The following CNN1 variants were observed in gnomAD, a reference collection of about 807,000 sequenced individuals.
CNN1 encodes the protein calponin-1.
In CNN1, 21 loss-of-function variants were observed where a neutral mutation model predicts 35.3. That is an observed-to-expected ratio of 0.60 (90% CI 0.42 to 0.86). The LOEUF (loss-of-function observed/expected upper bound fraction) is 0.86, where lower values mean the gene tolerates loss of function less well. Among genes scored for constraint, CNN1 ranks in the 40% least tolerant of loss-of-function variants. The probability of loss-of-function intolerance (pLI) is 0.00; values close to 1 mark genes in which losing one functional copy is unlikely to be tolerated. For synonymous variants in CNN1, 164 were observed against 161.8 expected (o/e 1.01, Z -0.10); for missense variants, 314 against 400.8 (o/e 0.78, Z 1.85).
intron 4 of CNN1, among the ~76,000 whole-genome samples, chr19:11,547,477 G>A (rs532961451): frequency 1.3e-5 from 2 of 152,232 alleles, no homozygotes; most frequent in East Asian, 1.9e-4. Flanking sequence ...TTGGGAGGCC[G>A]AGACAGGTGG....
At chr19:11,539,599 C>G in intron 1 of CNN1, 1 of 836,422 alleles carries the variant, frequency 1.2e-6, no homozygotes. Flanking sequence ...GACTCACCCC[C>G]CATACACCAG....
rs373013523 is a variant in CNN1, at chr19:11,538,885, G to A, written c.-43G>A. 8.8e-6 allele frequency: 13 copies of A among 1,478,786 alleles called. No homozygotes were observed. The African/African-American group carries it at 1.6e-4, about 18-fold the overall frequency. 91.6% of individuals were successfully genotyped at this position (1,478,786 alleles called of 1,614,324 possible). A position where few individuals can be genotyped will look rare whatever the true frequency, so the allele number is the denominator to read the frequency against. On this transcript the variant is annotated 5_prime_UTR_variant, in exon 1 of 7. Transcript: ENST00000252456. ...ACTTCAGCCGCTGCCTCTGTTCTCAGCGTCAGTGCCGCCACTGCCCCCGCC... is the reference window on the plus strand; with the variant it reads ...ACTTCAGCCGCTGCCTCTGTTCTCAACGTCAGTGCCGCCACTGCCCCCGCC...
chr19:11,549,389 G>C lies in CNN1; in HGVS notation c.568G>C (p.Asp190His). 6.2e-7 allele frequency: 1 copy of C among 1,613,800 alleles called. No individual in the cohort carries two copies. Among genetic ancestry groups the C allele is most frequent in the Non-Finnish European group, 8.5e-7 (1 of 1,179,930 alleles). ...CTATGGCACCCGGCGCCACCTCTACGACCCCAAGCTGGGCACAGACCAGCC... is the reference window on the plus strand; with the variant it reads ...CTATGGCACCCGGCGCCACCTCTACCACCCCAAGCTGGGCACAGACCAGCC... Reference protein sequence around the residue: ...TAYGTRRHLYDPKLGTDQPLD... With the variant: ...TAYGTRRHLYHPKLGTDQPLD... Residue 190 changes from aspartate (D) to histidine (H), a missense_variant, in exon 6 of 7, where the codon GAC (aspartate) becomes CAC (histidine). By Grantham distance (81) the Asp-to-His change is moderately conservative. Coordinates refer to ENST00000252456, the MANE Select transcript of CNN1 (RefSeq NM_001299.6). This position sits in a 1 kb window ranked among gnomAD's most constrained non-coding sequence, Gnocchi z 5.2.
chr19:11,547,089 C>G, intron 4 of CNN1, 120 bp downstream of exon 4: 2 of 1,449,578 alleles, frequency 1.4e-6, no homozygotes, highest in African/African-American at 1.4e-5. Flanking sequence ...GATCGGGGAG[C>G]AGGTGCTGTC....
At chr19:11,539,905 C>T in intron 1 of CNN1, 2 of 1,130,452 alleles carry the variant, frequency 1.8e-6, no homozygotes, top group South Asian at 1.7e-5. Flanking sequence ...CGCAGAGCCG[C>T]GCAGAGACGC....
rs1457826707 is a variant in CNN1, at chr19:11,549,876, C to T, written c.*81C>T. On this transcript the variant is annotated 3_prime_UTR_variant, in exon 7 of 7. Coordinates refer to ENST00000252456, the MANE Select transcript of CNN1 (RefSeq NM_001299.6). This position sits in a 1 kb window ranked among gnomAD's most constrained non-coding sequence, Gnocchi z 5.2. ...GGACCCAGCCAGGCCCAGCCGACCC[C>T]CTCTCCCTGCATGGCATCCTCCAGC... 66 of 1,524,820 alleles carry T rather than the reference C, an allele frequency of 4.3e-5. No individual in the cohort carries two copies. Among genetic ancestry groups the T allele is most frequent in the Non-Finnish European group, 5.8e-5 (66 of 1,129,366 alleles). The allele number at this position is 1,524,820 out of a possible 1,614,324, so 94.5% of individuals were successfully genotyped here.
chr19:11,541,052 C>A, intron 1 of CNN1, 24 bp from the exon 2 acceptor site: 1 of 1,582,212 alleles, frequency 6.3e-7, no homozygotes. Flanking sequence ...TTTCTCTGTG[C>A]CCCCTGCCCT....
chr19:11,544,071 A>G (rs1972526687), intron 2 of CNN1, among the ~76,000 whole-genome samples: 1 of 152,076 alleles, frequency 6.6e-6, no homozygotes, highest in Non-Finnish European at 1.5e-5. Flanking sequence ...CTCGACTCAG[A>G]GCTCAAGGAC....
rs1289858017 is a variant in CNN1, at chr19:11,549,202, A to T, written c.502-121A>T. ...GACTCCGTCTCAAAAAAAAATAAATAAAATAAAATAAAAATTGAAAAAAAT... is the reference window on the plus strand; with the variant it reads ...GACTCCGTCTCAAAAAAAAATAAATTAAATAAAATAAAAATTGAAAAAAAT... On this transcript the variant is annotated intron_variant, in intron 5 of 6. Coordinates refer to ENST00000252456, the MANE Select transcript of CNN1 (RefSeq NM_001299.6). The surrounding 1 kb of genome is among the most constrained non-coding windows in gnomAD (Gnocchi z 5.2). 58 of 1,120,084 alleles carry T rather than the reference A, an allele frequency of 5.2e-5. No homozygotes were observed. The highest frequency in any genetic ancestry group is 6.4e-5 in the Non-Finnish European group (53 of 821,758). 69.4% of individuals were successfully genotyped at this position (1,120,084 alleles called of 1,614,324 possible). A position where few individuals can be genotyped will look rare whatever the true frequency, so the allele number is the denominator to read the frequency against.
Position 11,545,945 on chromosome 19 carries a change from G to A in CNN1, c.186-730G>A, listed in dbSNP as rs552457155. On this transcript the variant is annotated intron_variant, in intron 2 of 6. Transcript: ENST00000252456. ...TGCACCACTGCTCTCCAGCCTGGGC[G>A]ACAAAGCCACACCCTGCATCAAAAA... Among the ~76,000 whole-genome samples, 21 of 151,152 alleles carry A rather than the reference G, an allele frequency of 1.4e-4. No homozygotes were observed. In the East Asian group the frequency reaches 2.3e-3, roughly 17 times the overall value.
In CNN1 at chr19:11,539,350, C is replaced by T. The variant is rs576607891; in HGVS notation, c.63+360C>T. Reference sequence around the variant, plus strand: ...CCGGCCTGACAAAGAAATTGGGGAGCGCTTGAGTGCTGGGGTACCTGGGAA... The same window carrying T: ...CCGGCCTGACAAAGAAATTGGGGAGTGCTTGAGTGCTGGGGTACCTGGGAA... On this transcript the variant is annotated intron_variant, in intron 1 of 6. Transcript: ENST00000252456. 6.0e-4 allele frequency: 643 copies of T among 1,080,364 alleles called. 1 individual carries two copies. Among genetic ancestry groups the T allele is most frequent in the Middle Eastern group, 2.6e-3 (6 of 2,278 alleles). 66.9% of individuals were successfully genotyped at this position (1,080,364 alleles called of 1,614,324 possible). A position where few individuals can be genotyped will look rare whatever the true frequency, so the allele number is the denominator to read the frequency against.
intron 1 of CNN1, among the ~76,000 whole-genome samples, 170 bp from the exon 2 acceptor site, chr19:11,540,906 C>G (rs1972446772): frequency 6.6e-6 from 1 of 152,178 alleles, no homozygotes; most frequent in African/African-American, 2.4e-5. Context: ...TGGCTCTCAG[C>G]CCGCCCCAGC....
In CNN1 at chr19:11,549,239, G is replaced by A. The variant is rs369720575; in HGVS notation, c.502-84G>A. Reference sequence around the variant, plus strand: ...AAATTGAAAAAAATGATAAAGCGGCGCCTCATCCTCTCCCATCAGCTATGC... The same window carrying A: ...AAATTGAAAAAAATGATAAAGCGGCACCTCATCCTCTCCCATCAGCTATGC... On this transcript the variant is annotated intron_variant, in intron 5 of 6. Coordinates refer to ENST00000252456, the MANE Select transcript of CNN1 (RefSeq NM_001299.6). This position sits in a 1 kb window ranked among gnomAD's most constrained non-coding sequence, Gnocchi z 5.2. 5.8e-5 allele frequency: 81 copies of A among 1,391,482 alleles called. No homozygotes were observed. The Middle Eastern group carries it at 7.5e-4, about 13-fold the overall frequency. The allele number at this position is 1,391,482 out of a possible 1,614,324, so 86.2% of individuals were successfully genotyped here.
At position 11,549,294 on chromosome 19, in the gene CNN1, T is replaced by C. The variant is rs1568417659; in HGVS notation, c.502-29T>C. ...TGGCCCATGATGAGGTCTGTAATTA[T>C]TGGTGTGATTCTCCTTCTGGCTTCC... On this transcript the variant is annotated intron_variant, in intron 5 of 6. Transcript: ENST00000252456. The surrounding 1 kb of genome is among the most constrained non-coding windows in gnomAD (Gnocchi z 5.2). 1 of 1,613,070 alleles carries C rather than the reference T, an allele frequency of 6.2e-7. No homozygotes were observed.
intron 1 of CNN1, chr19:11,539,893 C>G: frequency 1.1e-5 from 13 of 1,138,420 alleles, no homozygotes; most frequent in Non-Finnish European, 1.4e-5. Flanking sequence ...GCCCCAGAGC[C>G]GCGCAGAGCC....
chr19:11,540,231 TAGG>T (rs1972430278), intron 1 of CNN1: 1 of 227,464 alleles, frequency 4.4e-6, no homozygotes, highest in Non-Finnish European at 7.3e-6. Flanking sequence ...TGAGACACCC[TAGG>T]GACAGACGGG....
At chr19:11,544,014 G>A (rs1373841632) in intron 2 of CNN1, among the ~76,000 whole-genome samples, 1 of 151,986 alleles carries the variant, frequency 6.6e-6, no homozygotes, top group African/African-American at 2.4e-5. Flanking sequence ...AGTTCCTGCT[G>A]TGTGCCAGGC....
rs909420752 is a variant in CNN1 at position 11,549,564 on chromosome 19, G to C, written c.663G>C (p.Ala221=). 1 of 1,599,122 alleles carries C rather than the reference G, an allele frequency of 6.3e-7. No individual in the cohort carries two copies. The highest frequency in any genetic ancestry group is 1.1e-5 in the South Asian group (1 of 89,900). ...NKGASQAGMT[A]PGTKRQIFEP... ...ACCCTTCGCAGGCTGGCATGACTGC[G>C]CCAGGGACCAAGCGGCAGATCTTCG... is the stretch of plus-strand genomic sequence containing the variant. Residue 221 remains alanine (A), a synonymous_variant, in exon 7 of 7, where the codon GCG becomes GCC. Transcript: ENST00000252456. This position sits in a 1 kb window ranked among gnomAD's most constrained non-coding sequence, Gnocchi z 5.2.
At chr19:11,548,088 T>C (rs1302711286) in intron 5 of CNN1, among the ~76,000 whole-genome samples, 181 bp downstream of exon 5, 1 of 152,204 alleles carries the variant, frequency 6.6e-6, no homozygotes, top group East Asian at 1.9e-4. Context: ...CAGGTGCTTG[T>C]TATCAACATA....
Sources: allele counts gnomAD v4.1 joint callset (sites outside exome capture counted in the v4.1 genomes callset), GRCh38; gene constraint gnomAD v4.1.1; non-coding constraint Gnocchi (gnomAD v3.1); transcripts MANE v1.5; gene names NCBI Gene and HGNC (gene_info 2026-07-23, HGNC 2026-07-21).